Variants in ATG14 observed in about 807,000 individuals in gnomAD.
The protein encoded by ATG14 is autophagy related 14.
A neutral mutation model predicts 60.4 loss-of-function variants in ATG14; 35 were observed. The observed-to-expected ratio is 0.58, with a 90% CI of 0.44 to 0.77. The LOEUF (loss-of-function observed/expected upper bound fraction) is 0.77, where lower values mean the gene tolerates loss of function less well. Ranked by LOEUF, ATG14 falls within the 30% of genes least tolerant of loss-of-function variation. ATG14 has a pLI of 0.00. For missense variants in ATG14, 647 were observed against 626.3 expected, an observed-to-expected ratio of 1.03 and a Z score of -0.35; for synonymous variants, 234 against 228.8, an observed-to-expected ratio of 1.02 and a Z score of -0.21.
At chr14:55,378,848 GGT>G (rs1159366873) in intron 7 of ATG14, among the ~76,000 whole-genome samples, 2 of 152,210 alleles carry the variant, frequency 1.3e-5, no homozygotes, top group African/African-American at 4.8e-5. Flanking sequence ...TGGGACTATA[GGT>G]GTGTGTCACC....
intron 1 of ATG14, among the ~76,000 whole-genome samples, chr14:55,403,641 G>C (rs1222177298): frequency 2.0e-5 from 3 of 151,970 alleles, no homozygotes; most frequent in Non-Finnish European, 4.4e-5. Flanking sequence ...GTACCGGCAT[G>C]AAAAGACGTT....
chr14:55,405,284 G>A (rs1355987674), intron 1 of ATG14, among the ~76,000 whole-genome samples: 1 of 152,190 alleles, frequency 6.6e-6, no homozygotes, highest in Non-Finnish European at 1.5e-5. Context: ...TTTTTTGGAT[G>A]TTGGTTGTGC....
chr14:55,385,300 T>C (rs1402424496), intron 5 of ATG14, among the ~76,000 whole-genome samples: 1 of 152,068 alleles, frequency 6.6e-6, no homozygotes. Context: ...TTTTTTTTTG[T>C]TTGTTTCTTT....
chr14:55,390,156 C>G (rs981718994), intron 4 of ATG14, among the ~76,000 whole-genome samples: 4 of 151,582 alleles, frequency 2.6e-5, no homozygotes, highest in African/African-American at 9.7e-5. Context: ...CCGCAATCTC[C>G]GCCTCCCAGG....
chr14:55,379,204 A>C (rs1053434883), intron 7 of ATG14, among the ~76,000 whole-genome samples: 2 of 152,206 alleles, frequency 1.3e-5, no homozygotes, highest in African/African-American at 4.8e-5. Flanking sequence ...CATAACTAAA[A>C]ATTTTAAAAG....
intron 3 of ATG14, among the ~76,000 whole-genome samples, chr14:55,393,490 C>G (rs1885259220): frequency 6.6e-6 from 1 of 151,870 alleles, no homozygotes; most frequent in Non-Finnish European, 1.5e-5. Flanking sequence ...TAGCCTGACT[C>G]CTTCCCATTT....
At chr14:55,373,668 G>A (rs12050123) in intron 9 of ATG14, among the ~76,000 whole-genome samples, 44,913 of 151,670 alleles carry the variant, frequency 0.3, 7,025 homozygotes, top group Non-Finnish European at 0.33. Flanking sequence ...CATGTTGGCC[G>A]GGCTGGTCTC....
intron 4 of ATG14, among the ~76,000 whole-genome samples, chr14:55,386,712 C>T (rs982999923): frequency 1.3e-5 from 2 of 152,192 alleles, no homozygotes; most frequent in African/African-American, 4.8e-5. Flanking sequence ...CCTGGCCACA[C>T]AACCACGAGG....
intron 1 of ATG14, among the ~76,000 whole-genome samples, chr14:55,398,951 C>A (rs1293854582): frequency 6.6e-6 from 1 of 152,096 alleles, no homozygotes; most frequent in East Asian, 1.9e-4. Flanking sequence ...ATGACTCATG[C>A]TGCAGTAACA....
At chr14:55,394,451 T>G (rs1277000861) in intron 3 of ATG14, among the ~76,000 whole-genome samples, 1 of 152,204 alleles carries the variant, frequency 6.6e-6, no homozygotes, top group African/African-American at 2.4e-5. Flanking sequence ...CCAGTGACTT[T>G]CCAGCTTAAA....
chr14:55,391,848 G>A (rs1885224115), intron 3 of ATG14, among the ~76,000 whole-genome samples: 1 of 152,150 alleles, frequency 6.6e-6, no homozygotes, highest in Admixed American at 6.6e-5. Flanking sequence ...TAAGCAACTA[G>A]TACTTGCAAG....
At chr14:55,390,404 T>G (rs529481209) in intron 4 of ATG14, among the ~76,000 whole-genome samples, 90 of 151,066 alleles carry the variant, frequency 6.0e-4, no homozygotes, top group African/African-American at 2.1e-3. Flanking sequence ...AGACAGAGTC[T>G]GGCTCTGTGC....
At chr14:55,411,577 A>G in intron 1 of ATG14, 25 bp downstream of exon 1, 2 of 1,587,046 alleles carry the variant, frequency 1.3e-6, no homozygotes, top group Non-Finnish European at 1.7e-6. Context: ...CAGAAGAAAC[A>G]ATAGGGCCGT....
Position 55,367,836 on chromosome 14 carries a change from G to GAAAT in ATG14, c.*1779_*1782dup, listed in dbSNP as rs1216437264. 1 of 151,720 alleles carries GAAAT rather than the reference G, an allele frequency of 6.6e-6. No individual in the cohort carries two copies. Among genetic ancestry groups the GAAAT allele is most frequent in the Non-Finnish European group, 1.5e-5 (1 of 67,990 alleles). 9.4% of individuals were successfully genotyped at this position (151,720 alleles called of 1,614,324 possible). On this transcript the variant is annotated 3_prime_UTR_variant, in exon 10 of 10. Coordinates refer to ENST00000247178, the MANE Select transcript of ATG14 (RefSeq NM_014924.5). ...CCAAGGAATTTGTGACTACCGGATA[G>GAAAT]AAATAAACTCCGTTCTGCAACTCTA...
At chr14:55,395,814 A>G (rs1885305326) in intron 3 of ATG14, 126 bp downstream of exon 3, 1 of 545,226 alleles carries the variant, frequency 1.8e-6, no homozygotes, top group Non-Finnish European at 2.9e-6. Context: ...AAGCCACGCT[A>G]CAAGTGGATT....
intron 5 of ATG14, among the ~76,000 whole-genome samples, chr14:55,383,018 A>G (rs559554333): frequency 1.1e-4 from 16 of 152,312 alleles, no homozygotes; most frequent in Admixed American, 2.0e-4. Flanking sequence ...TTAATACTCA[A>G]GTCTTTCTGT....
At position 55,411,724 on chromosome 14, in the gene ATG14, C is replaced by A; in HGVS notation, c.99G>T (p.Ala33=). 2 of 1,612,144 alleles carry A rather than the reference C, an allele frequency of 1.2e-6. No individual in the cohort carries two copies. Among genetic ancestry groups the A allele is most frequent in the South Asian group, 1.1e-5 (1 of 90,768 alleles). Residue 33 remains alanine, a synonymous_variant, in exon 1 of 10, where the codon GCG becomes GCT. Transcript: ENST00000247178. Reference sequence around the variant, plus strand: ...GCTCCACAGCCACGTACAGCCCCTCCGCATCGTCCACGGAGTCCACCAGGT... The same window carrying A: ...GCTCCACAGCCACGTACAGCCCCTCAGCATCGTCCACGGAGTCCACCAGGT... ...ARDLVDSVDD[A]EGLYVAVERC...
At chr14:55,378,372 C>T (rs958279138) in intron 7 of ATG14, among the ~76,000 whole-genome samples, 1 of 152,206 alleles carries the variant, frequency 6.6e-6, no homozygotes, top group Non-Finnish European at 1.5e-5. Flanking sequence ...TTTCTTGAAG[C>T]ATCAACAGCA....
chr14:55,371,021 G>T (rs1594774943), intron 9 of ATG14, among the ~76,000 whole-genome samples: 1 of 152,170 alleles, frequency 6.6e-6, no homozygotes, highest in East Asian at 1.9e-4. Flanking sequence ...TGTCCTCCCT[G>T]TAGGCAGCCA....
Sources: allele counts gnomAD v4.1 joint callset (sites outside exome capture counted in the v4.1 genomes callset), GRCh38; gene constraint gnomAD v4.1.1; transcripts MANE v1.5; gene names NCBI Gene and HGNC (gene_info 2026-07-23, HGNC 2026-07-21).